PTPRT: variants seen among roughly 807,000 people sequenced by gnomAD.
PTPRT encodes receptor-type tyrosine-protein phosphatase T.
In PTPRT, 56 loss-of-function variants were observed where a neutral mutation model predicts 176.8. That is an observed-to-expected ratio of 0.32 (90% CI 0.26 to 0.40). The LOEUF (loss-of-function observed/expected upper bound fraction) is 0.40. Among genes scored for constraint, PTPRT ranks in the 10% least tolerant of loss-of-function variants. The pLI is 1.00. For missense variants in PTPRT, 1,540 were observed against 1,908.2 expected, an observed-to-expected ratio of 0.81 and a Z score of 3.60; for synonymous variants, 783 against 739.0, an observed-to-expected ratio of 1.06 and a Z score of -0.96.
At chr20:42,645,390 C>T (rs1273611867) in intron 7 of PTPRT, among the ~76,000 whole-genome samples, 2 of 152,164 alleles carry the variant, frequency 1.3e-5, no homozygotes, top group Non-Finnish European at 2.9e-5. Flanking sequence ...GTGTGTCCAG[C>T]AGGGCCTCCA....
chr20:42,473,111 G>C (rs1388854190), intron 7 of PTPRT, among the ~76,000 whole-genome samples: 1 of 152,048 alleles, frequency 6.6e-6, no homozygotes, highest in Non-Finnish European at 1.5e-5. Context: ...CATTAACCCT[G>C]CTTTAGGATT....
intron 7 of PTPRT, among the ~76,000 whole-genome samples, chr20:42,633,963 ATATAT>A (rs1220856213): frequency 5.4e-5 from 1 of 18,530 alleles, no homozygotes; most frequent in Admixed American, 8.7e-4. Flanking sequence ...ATTATATATA[ATATAT>A]TATAATATAT....
At chr20:43,172,869 C>CTTTTTTT (rs1156414727) in intron 1 of PTPRT, among the ~76,000 whole-genome samples, 2 of 117,522 alleles carry the variant, frequency 1.7e-5, no homozygotes, top group African/African-American at 3.4e-5. Context: ...AGTCTGCAGT[C>CTTTTTTT]TTTTTTTTTT....
At chr20:42,303,647 A>G (rs2057502843) in intron 12 of PTPRT, among the ~76,000 whole-genome samples, 1 of 152,186 alleles carries the variant, frequency 6.6e-6, no homozygotes, top group Non-Finnish European at 1.5e-5. Flanking sequence ...TATAGTGCCA[A>G]TTTACACTTG....
chr20:42,044,367 T>C, the PTPRT span, among the ~76,000 whole-genome samples: 639 of 152,338 alleles, frequency 4.2e-3, 4 homozygotes, highest in Non-Finnish European at 5.6e-3. Context: ...TATGAGGACT[T>C]TACAACCACT....
At chr20:43,144,616 G>T (rs942598732) in intron 1 of PTPRT, among the ~76,000 whole-genome samples, 12 of 152,124 alleles carry the variant, frequency 7.9e-5, no homozygotes, top group African/African-American at 2.9e-4. Context: ...TCCAGAATAG[G>T]CAAATCCATA....
At chr20:42,503,208 C>A (rs1313562008) in intron 7 of PTPRT, among the ~76,000 whole-genome samples, 1 of 151,778 alleles carries the variant, frequency 6.6e-6, no homozygotes. Context: ...TAGTTATATC[C>A]TCTTTCCATT....
intron 1 of PTPRT, among the ~76,000 whole-genome samples, chr20:43,166,106 C>T (rs554256016): frequency 6.6e-5 from 10 of 152,260 alleles, no homozygotes; most frequent in African/African-American, 1.9e-4. Flanking sequence ...AGGCAGATCA[C>T]CTGAGGTCAG....
chr20:43,127,138 T>C (rs993398022), intron 1 of PTPRT, among the ~76,000 whole-genome samples: 1 of 152,076 alleles, frequency 6.6e-6, no homozygotes, highest in African/African-American at 2.4e-5. Context: ...ACTCTAAACA[T>C]GGCGGCCGGG....
At chr20:42,976,969 T>C (rs968122532) in intron 1 of PTPRT, among the ~76,000 whole-genome samples, 2 of 152,048 alleles carry the variant, frequency 1.3e-5, no homozygotes, top group Non-Finnish European at 2.9e-5. Context: ...TTTGAAGAGG[T>C]CATGTATGAC....
chr20:42,848,001 G>A (rs191878548), intron 2 of PTPRT, among the ~76,000 whole-genome samples: 21 of 150,322 alleles, frequency 1.4e-4, no homozygotes, highest in East Asian at 1.2e-3. Flanking sequence ...CCCTTTCCCC[G>A]AGTCCCCAAA....
chr20:42,674,373 C>G (rs1008044028), intron 7 of PTPRT, among the ~76,000 whole-genome samples: 11 of 152,190 alleles, frequency 7.2e-5, no homozygotes, highest in Non-Finnish European at 1.2e-4. Flanking sequence ...ATGTAAAATC[C>G]ATTACACAGT....
chr20:42,136,527 G>C (rs1988387918), intron 18 of PTPRT, among the ~76,000 whole-genome samples: 1 of 152,200 alleles, frequency 6.6e-6, no homozygotes, highest in South Asian at 2.1e-4. Flanking sequence ...GATCCATGCT[G>C]GCTGAAATTG....
intron 9 of PTPRT, among the ~76,000 whole-genome samples, chr20:42,399,157 T>G (rs1274786409): frequency 6.6e-6 from 1 of 152,196 alleles, no homozygotes. Context: ...TCACAGTCAG[T>G]GTGGATTTAA....
intron 4 of PTPRT, among the ~76,000 whole-genome samples, chr20:42,777,141 C>T (rs1459568789): frequency 1.3e-5 from 2 of 152,154 alleles, no homozygotes; most frequent in Non-Finnish European, 2.9e-5. Flanking sequence ...CTCTATGGTC[C>T]TCCAACACAG....
chr20:42,926,102 C>T (rs1380700616), intron 1 of PTPRT, among the ~76,000 whole-genome samples: 1 of 152,214 alleles, frequency 6.6e-6, no homozygotes, highest in Non-Finnish European at 1.5e-5. Context: ...CCTCAACAGA[C>T]CAGGCCAGCC....
chr20:42,707,314 G>T (rs2146187125), intron 6 of PTPRT, among the ~76,000 whole-genome samples: 1 of 152,252 alleles, frequency 6.6e-6, no homozygotes, highest in African/African-American at 2.4e-5. Context: ...TACGGGCCCT[G>T]TATAATCCTT....
intron 6 of PTPRT, among the ~76,000 whole-genome samples, chr20:42,696,622 AT>A (rs1438698546): frequency 6.6e-6 from 1 of 151,684 alleles, no homozygotes; most frequent in Admixed American, 6.6e-5. Flanking sequence ...CACCCGGCTA[AT>A]TTTTTGTATT....
intron 18 of PTPRT, among the ~76,000 whole-genome samples, chr20:42,130,737 T>A (rs779435074): frequency 1.3e-5 from 2 of 152,148 alleles, no homozygotes; most frequent in Admixed American, 1.3e-4. Flanking sequence ...CTTTTCTTAC[T>A]CATCAGGGGG....
Sources: allele counts gnomAD v4.1 joint callset (sites outside exome capture counted in the v4.1 genomes callset), GRCh38; gene constraint gnomAD v4.1.1; transcripts MANE v1.5; gene names NCBI Gene and HGNC (gene_info 2026-07-23, HGNC 2026-07-21).